The following UNC5A variants were observed in gnomAD, a reference collection of about 807,000 sequenced individuals.
UNC5A encodes the protein unc-5 netrin receptor A.
In UNC5A, 20 loss-of-function variants were observed where a neutral mutation model predicts 87.4. The observed-to-expected ratio is 0.23, with a 90% CI of 0.16 to 0.33. UNC5A has a LOEUF of 0.33. Among genes scored for constraint, UNC5A ranks in the 10% least tolerant of loss-of-function variants. The pLI is 1.00. For missense variants in UNC5A, 844 were observed against 1,133.4 expected, an observed-to-expected ratio of 0.74 and a Z score of 3.67; for synonymous variants, 438 against 482.3, an observed-to-expected ratio of 0.91 and a Z score of 1.20.
chr5:176,860,498 C>T (rs1001095384), intron 1 of UNC5A, among the ~76,000 whole-genome samples: 18 of 152,256 alleles, frequency 1.2e-4, no homozygotes, highest in East Asian at 3.8e-4. Flanking sequence ...CTGGGTCCCA[C>T]GTCTGGGTCA....
chr5:176,841,826 C>T lies in UNC5A; in HGVS notation c.71-20798C>T, dbSNP rs1383788141. Among the ~76,000 whole-genome samples, 7 of 152,122 alleles carry T rather than the reference C, an allele frequency of 4.6e-5. No homozygotes were observed. Among genetic ancestry groups the T allele is most frequent in the African/African-American group, 1.7e-4 (7 of 41,414 alleles). On this transcript the variant is annotated intron_variant, in intron 1 of 14. Coordinates refer to ENST00000329542, the MANE Select transcript of UNC5A (RefSeq NM_133369.3). The surrounding 1 kb of genome is among the most constrained non-coding windows in gnomAD (Gnocchi z 4.1). ...TGGCCAACAATCATGAAAAAAGGCT[C>T]GACATCACTAATGATCAGGGAAATG... is the stretch of plus-strand genomic sequence containing the variant.
chr5:176,877,348 C>A, intron 9 of UNC5A, 69 bp downstream of exon 9: 1 of 1,448,220 alleles, frequency 6.9e-7, no homozygotes, highest in South Asian at 1.2e-5. Flanking sequence ...CCAGGAAGCC[C>A]CCTGCCCACC....
chr5:176,850,549 G>A (rs746903025), intron 1 of UNC5A, among the ~76,000 whole-genome samples: 2 of 152,102 alleles, frequency 1.3e-5, no homozygotes, highest in African/African-American at 2.4e-5. Flanking sequence ...CGCAGGCAGC[G>A]AGGGTGGGCG....
Position 176,824,001 on chromosome 5 carries a change from C to T in UNC5A, c.70+13181C>T, listed in dbSNP as rs151115853. Among the ~76,000 whole-genome samples, 1 of 152,224 alleles carries T rather than the reference C, an allele frequency of 6.6e-6. No homozygotes were observed. Among genetic ancestry groups the T allele is most frequent in the Admixed American group, 6.5e-5 (1 of 15,286 alleles). ...TGTCAGTTATGAGAACCCAGCCTCT[C>T]CCTGGAGAAAGCACCTGTCCCAGCT... On this transcript the variant is annotated intron_variant, in intron 1 of 14. Coordinates refer to ENST00000329542, the MANE Select transcript of UNC5A (RefSeq NM_133369.3). This position sits in a 1 kb window ranked among gnomAD's most constrained non-coding sequence, Gnocchi z 4.2.
rs1758066820 is a variant in UNC5A, at chr5:176,869,846, G to A, written c.722-524G>A. The stretch of plus-strand genomic sequence containing the variant: ...GCCATCTCCGTGCCCTGGCTCCATC[G>A]CGCCCACCAGCCTGCCCCCCCATGG... On this transcript the variant is annotated intron_variant, in intron 5 of 14. Coordinates refer to ENST00000329542, the MANE Select transcript of UNC5A (RefSeq NM_133369.3). This position sits in a 1 kb window ranked among gnomAD's most constrained non-coding sequence, Gnocchi z 9.1. The A allele has an allele frequency of 8.7e-6, 5 of 573,030 alleles. No individual in the cohort carries two copies. The highest frequency in any genetic ancestry group is 6.0e-5 in the South Asian group (3 of 49,836). 35.5% of individuals were successfully genotyped at this position (573,030 alleles called of 1,614,324 possible).
intron 2 of UNC5A, among the ~76,000 whole-genome samples, chr5:176,864,298 C>G (rs1469443711): frequency 6.6e-6 from 1 of 152,186 alleles, no homozygotes; most frequent in East Asian, 1.9e-4. Flanking sequence ...CGAGAGCGAA[C>G]CCCGGGGCAG....
At chr5:176,815,128 C>A (rs1239039459) in intron 1 of UNC5A, among the ~76,000 whole-genome samples, 2 of 152,200 alleles carry the variant, frequency 1.3e-5, no homozygotes, top group Admixed American at 1.3e-4. Context: ...CCATCCCCAC[C>A]CTGGCATGGA....
chr5:176,831,173 C>G (rs1452815655), intron 1 of UNC5A, among the ~76,000 whole-genome samples: 1 of 152,048 alleles, frequency 6.6e-6, no homozygotes, highest in African/African-American at 2.4e-5. Context: ...GCAGAAGCAA[C>G]ATCAGAAAAC....
intron 1 of UNC5A, among the ~76,000 whole-genome samples, chr5:176,839,345 T>C (rs1284538424): frequency 2.0e-5 from 3 of 152,236 alleles, no homozygotes; most frequent in African/African-American, 7.2e-5. Context: ...CCAGGAAACC[T>C]AGAGCTCTGT....
chr5:176,835,499 G>A (rs1757131356), intron 1 of UNC5A, among the ~76,000 whole-genome samples: 1 of 152,232 alleles, frequency 6.6e-6, no homozygotes, highest in Non-Finnish European at 1.5e-5. Context: ...ATGCTCCAGA[G>A]CCTCCGACTC....
At chr5:176,858,190 C>T (rs1184101493) in intron 1 of UNC5A, among the ~76,000 whole-genome samples, 1 of 152,224 alleles carries the variant, frequency 6.6e-6, no homozygotes, top group Non-Finnish European at 1.5e-5. Flanking sequence ...AGCCTCCTGC[C>T]TGCTTCTCCT....
chr5:176,810,849 G>T lies in UNC5A; in HGVS notation c.70+29G>T. The T allele has an allele frequency of 1.6e-6, 2 of 1,220,600 alleles. No homozygotes were observed. The highest frequency in any genetic ancestry group is 2.0e-6 in the Non-Finnish European group (2 of 980,394). 75.6% of individuals were successfully genotyped at this position (1,220,600 alleles called of 1,614,324 possible). A position where few individuals can be genotyped will look rare whatever the true frequency, so the allele number is the denominator to read the frequency against. On this transcript the variant is annotated intron_variant, in intron 1 of 14. Transcript: ENST00000329542. This position sits in a 1 kb window ranked among gnomAD's most constrained non-coding sequence, Gnocchi z 7.3. ...AGTCACGCCGCGCGCGCTCTGGGGAGGCTTGCGGGGGACCGTGCGCGCGAA... is the reference window on the plus strand; with the variant it reads ...AGTCACGCCGCGCGCGCTCTGGGGATGCTTGCGGGGGACCGTGCGCGCGAA...
At position 176,878,258 on chromosome 5, in the gene UNC5A, G is replaced by C. The variant is rs1331151176; in HGVS notation, c.1884G>C (p.Leu628=). ...GGGCACTGCAGGAGGTGGTGCAGCT[G>C]GAGAAGCAGCTGGGGGGACAGCTGA... ...THDALKEVVQ[L]EKQLGGQLIQ... The change falls in exon 12 of 15, where the codon CTG becomes CTC. Residue 628 remains leucine (L), a synonymous_variant. Coordinates refer to ENST00000329542, the MANE Select transcript of UNC5A (RefSeq NM_133369.3). The C allele has an allele frequency of 6.2e-7, 1 of 1,612,056 alleles. No homozygotes were observed. Among genetic ancestry groups the C allele is most frequent in the South Asian group, 1.1e-5 (1 of 91,032 alleles).
intron 1 of UNC5A, among the ~76,000 whole-genome samples, chr5:176,812,632 TGGGGGTG>T (rs1487160754): frequency 2.0e-5 from 3 of 151,800 alleles, no homozygotes; most frequent in Non-Finnish European, 1.5e-5. Context: ...CAGGAGGCTG[TGGGGGTG>T]GGGAAACTGC....
intron 1 of UNC5A, among the ~76,000 whole-genome samples, chr5:176,821,658 G>T (rs1194897641): frequency 3.9e-5 from 6 of 152,222 alleles, no homozygotes; most frequent in Admixed American, 2.0e-4. Flanking sequence ...AGCTACCAAT[G>T]TGATGTCAAC....
chr5:176,843,213 T>A (rs950742710), intron 1 of UNC5A, among the ~76,000 whole-genome samples: 1 of 150,132 alleles, frequency 6.7e-6, no homozygotes, highest in Non-Finnish European at 1.5e-5. Flanking sequence ...AAGAAAATCA[T>A]CAAAATGTGG....
In UNC5A at chr5:176,844,910, T is replaced by C. The variant is rs988461065; in HGVS notation, c.71-17714T>C. ...ACAGCAGCAGTTCCACACTTGGGTCTGCAGCAGGGTGGGTTGGTGGCTCGC... is the reference window on the plus strand; with the variant it reads ...ACAGCAGCAGTTCCACACTTGGGTCCGCAGCAGGGTGGGTTGGTGGCTCGC... On this transcript the variant is annotated intron_variant, in intron 1 of 14. Coordinates refer to ENST00000329542, the MANE Select transcript of UNC5A (RefSeq NM_133369.3). This position sits in a 1 kb window ranked among gnomAD's most constrained non-coding sequence, Gnocchi z 4.2. Among the ~76,000 whole-genome samples, 2 of 152,188 alleles carry C rather than the reference T, an allele frequency of 1.3e-5. No homozygotes were observed. Among genetic ancestry groups the C allele is most frequent in the Non-Finnish European group, 2.9e-5 (2 of 68,026 alleles).
chr5:176,870,486 G>T lies in UNC5A; in HGVS notation c.838G>T (p.Gly280Cys), dbSNP rs1338417202. ...CCGCAACGGAGGGGAGGAGTGCCAG[G>T]GCACTGACCTGGACACCCGCAACTG... ...APRNGGEECQGTDLDTRNCTS... is the reference protein window; with the variant it reads ...APRNGGEECQCTDLDTRNCTS... The change falls in exon 6 of 15, where the codon GGC (glycine) becomes TGC (cysteine). Residue 280 changes from glycine to cysteine, a missense_variant. By Grantham distance (159) the Gly-to-Cys change is radical (BLOSUM62 -3). Around this residue, in one of 3 missense-constraint regions of UNC5A, gnomAD observed 314 missense variants for 466.5 expected, o/e 0.67. Coordinates refer to ENST00000329542, the MANE Select transcript of UNC5A (RefSeq NM_133369.3). 2 of 1,610,238 alleles carry T rather than the reference G, an allele frequency of 1.2e-6. No homozygotes were observed. The highest frequency in any genetic ancestry group is 1.7e-6 in the Non-Finnish European group (2 of 1,177,794).
chr5:176,853,597 G>A (rs1349381670), intron 1 of UNC5A, among the ~76,000 whole-genome samples: 2 of 152,236 alleles, frequency 1.3e-5, no homozygotes, highest in African/African-American at 2.4e-5. Flanking sequence ...GGAAACCAGA[G>A]TGCCGTGCTT....
Sources: gnomAD v4.1 joint callset for allele counts (sites outside exome capture counted in the v4.1 genomes callset) on GRCh38, gnomAD v4.1.1 for gene constraint, gnomAD v4.1.1 regional missense constraint, Gnocchi (gnomAD v3.1) non-coding constraint, MANE v1.5 for transcripts, NCBI Gene and HGNC (gene_info 2026-07-23, HGNC 2026-07-21) for gene names.